TRAF1: variants seen among roughly 807,000 people sequenced by gnomAD.
The protein encoded by TRAF1 is TNF receptor associated factor 1, also known as TNF receptor-associated factor 1.
A neutral mutation model predicts 40.9 loss-of-function variants in TRAF1; 23 were observed. That is an observed-to-expected ratio of 0.56 (90% CI 0.40 to 0.80). The LOEUF (loss-of-function observed/expected upper bound fraction) is 0.80. Among genes scored for constraint, TRAF1 ranks in the 30% least tolerant of loss-of-function variants. The pLI is 0.00. For missense variants in TRAF1, 477 were observed against 528.7 expected (o/e 0.90, Z 0.96); for synonymous variants, 206 against 218.8 (o/e 0.94, Z 0.52).
chr9:120,911,796 T>C (rs1034172194), intron 5 of TRAF1, among the ~76,000 whole-genome samples: 1 of 152,188 alleles, frequency 6.6e-6, no homozygotes, highest in Admixed American at 6.5e-5. Flanking sequence ...AATGATTTCA[T>C]GAGACATATT....
chr9:120,924,742 GTGTCTCTGACCTGC>G (rs2046627546), intron 2 of TRAF1, among the ~76,000 whole-genome samples: 2 of 152,168 alleles, frequency 1.3e-5, no homozygotes, highest in African/African-American at 4.8e-5. Context: ...AAAGCTCCTG[GTGTCTCTGACCTGC>G]TACCGCTACC....
In TRAF1 at chr9:120,914,344, T is replaced by C. The variant is rs570184706; in HGVS notation, c.229-44A>G. On this transcript the variant is annotated intron_variant, in intron 3 of 7. Transcript: ENST00000373887. ...TCACTGAATGTTATAGCGATCCCTG[T>C]GGCTACCCTGGGGCTCTCTTCAATG... 5.7e-6 allele frequency: 8 copies of C among 1,397,862 alleles called. No individual in the cohort carries two copies. In the South Asian group the frequency reaches 1.3e-4, roughly 23 times the overall value. 86.6% of individuals were successfully genotyped at this position (1,397,862 alleles called of 1,614,324 possible).
chr9:120,926,000 C>T lies in TRAF1; in HGVS notation c.76G>A (p.Val26Ile), dbSNP rs753124357. The T allele has an allele frequency of 1.7e-5, 27 of 1,613,096 alleles. No homozygotes were observed. Among genetic ancestry groups the T allele is most frequent in the South Asian group, 4.4e-5 (4 of 91,056 alleles). The change falls in exon 2 of 8, where the codon GTC (valine) becomes ATC (isoleucine). Residue 26 changes from valine (V) to isoleucine (I), a missense_variant. Physicochemically the swap from Val to Ile is conservative, Grantham distance 29. Coordinates refer to ENST00000373887, the MANE Select transcript of TRAF1 (RefSeq NM_005658.5). ...NEFPFGCPPT[V>I]CQDPKEPRAL... is the part of the protein sequence containing the mutation. ...CTGGGCTCCTTTGGGTCCTGGCAGACGGTGGGAGGGCACCCAAAGGGAAAC... is the reference window on the plus strand; with the variant it reads ...CTGGGCTCCTTTGGGTCCTGGCAGATGGTGGGAGGGCACCCAAAGGGAAAC...
chr9:120,916,108 G>A (rs1344244825), intron 3 of TRAF1, among the ~76,000 whole-genome samples: 1 of 152,156 alleles, frequency 6.6e-6, no homozygotes, highest in East Asian at 1.9e-4. Context: ...ATATACTACA[G>A]AACAACCAAA....
In TRAF1 at chr9:120,913,526, G is replaced by A. The variant is rs1293185440; in HGVS notation, c.507C>T (p.Cys169=). 6.2e-7 allele frequency: 1 copy of A among 1,613,910 alleles called. No individual in the cohort carries two copies. The change falls in exon 5 of 8, where the codon TGC becomes TGT. Residue 169 remains cysteine, a synonymous_variant. Coordinates refer to ENST00000373887, the MANE Select transcript of TRAF1 (RefSeq NM_005658.5). The part of the protein sequence containing the change: ...DLEVDCYRAP[C]SESQEELALQ... ...GGGCCAGCTCCTCCTGGCTCTCGGA[G>A]CAGGGTGCCCGGTAGCAATCGACCT... is the stretch of plus-strand genomic sequence containing the variant.
Position 120,904,046 on chromosome 9 carries a change from T to C in TRAF1, c.*974A>G, listed in dbSNP as rs1480189177. 1.3e-5 allele frequency: 2 copies of C among 152,240 alleles called. No individual in the cohort carries two copies. Among genetic ancestry groups the C allele is most frequent in the Non-Finnish European group, 2.9e-5 (2 of 68,064 alleles). 9.4% of individuals were successfully genotyped at this position (152,240 alleles called of 1,614,324 possible). On this transcript the variant is annotated 3_prime_UTR_variant, in exon 8 of 8. Transcript: ENST00000373887. ...GTCCTGATCAGTCTGCTGAAAGAAGTGGATGCCTCAGTTAATCAGGTGTTA... is the reference window on the plus strand; with the variant it reads ...GTCCTGATCAGTCTGCTGAAAGAAGCGGATGCCTCAGTTAATCAGGTGTTA...
chr9:120,913,193 G>T, intron 5 of TRAF1, 135 bp downstream of exon 5: 1 of 1,129,426 alleles, frequency 8.9e-7, no homozygotes, highest in Non-Finnish European at 1.2e-6. Flanking sequence ...GAAGGGTGTG[G>T]GATAAAGGGG....
chr9:120,915,076 C>T (rs2046559993), intron 3 of TRAF1, among the ~76,000 whole-genome samples: 1 of 152,142 alleles, frequency 6.6e-6, no homozygotes, highest in Non-Finnish European at 1.5e-5. Flanking sequence ...AGCCACAGGG[C>T]CCCTCCCACG....
At chr9:120,911,779 C>A (rs1024176326) in intron 5 of TRAF1, among the ~76,000 whole-genome samples, 2 of 152,140 alleles carry the variant, frequency 1.3e-5, no homozygotes, top group Non-Finnish European at 1.5e-5. Context: ...TCTTACAGAG[C>A]CCTTACAATG....
upstream of TRAF1, chr9:120,929,151 G>T (rs2046659643): frequency 6.6e-6 from 1 of 152,480 alleles, no homozygotes; most frequent in Non-Finnish European, 1.5e-5. The surrounding 1 kb of genome is among the most constrained non-coding windows in gnomAD (Gnocchi z 4.5). Context: ...CGGCGGCCAG[G>T]CCCGGAGCTT....
chr9:120,906,689 AT>A (rs1554714736), intron 7 of TRAF1, among the ~76,000 whole-genome samples: 22 of 152,236 alleles, frequency 1.4e-4, no homozygotes, highest in Non-Finnish European at 5.9e-5. Context: ...TTACATTGGC[AT>A]TTACTCTTGG....
rs747468741 is a variant in TRAF1, at chr9:120,909,303, G to C, written c.959C>G (p.Thr320Ser). 1.2e-6 allele frequency: 2 copies of C among 1,614,186 alleles called. No homozygotes were observed. Among genetic ancestry groups the C allele is most frequent in the Admixed American group, 3.3e-5 (2 of 60,020 alleles). ...GATCACGATGAAGAGCGACAGATGGGTTCTCTTTCCAGTGCCATCTCCATT... is the reference window on the plus strand; with the variant it reads ...GATCACGATGAAGAGCGACAGATGGCTTCTCTTTCCAGTGCCATCTCCATT... ...YLNGDGTGKRTHLSLFIVIMR... is the reference protein window; with the variant it reads ...YLNGDGTGKRSHLSLFIVIMR... Residue 320 changes from threonine to serine, a missense_variant, in exon 7 of 8, where the codon ACC (threonine) becomes AGC (serine). Physicochemically the swap from Thr to Ser is moderately conservative, Grantham distance 58 (BLOSUM62 1). Transcript: ENST00000373887.
chr9:120,915,480 T>G (rs919964627), intron 3 of TRAF1, among the ~76,000 whole-genome samples: 1 of 152,178 alleles, frequency 6.6e-6, no homozygotes, highest in Non-Finnish European at 1.5e-5. Flanking sequence ...TCATAAAGGC[T>G]TGTATCCAGA....
intron 7 of TRAF1, among the ~76,000 whole-genome samples, chr9:120,905,705 G>A (rs569082923): frequency 6.6e-6 from 1 of 152,314 alleles, no homozygotes; most frequent in African/African-American, 2.4e-5. Context: ...TCTACTGAGG[G>A]GCTGTCATCG....
Position 120,911,435 on chromosome 9 carries a change from C to T in TRAF1, c.784G>A (p.Glu262Lys). 2 of 1,613,650 alleles carry T rather than the reference C, an allele frequency of 1.2e-6. No individual in the cohort carries two copies. The highest frequency in any genetic ancestry group is 1.7e-6 in the Non-Finnish European group (2 of 1,180,038). The change falls in exon 6 of 8, where the codon GAG becomes AAG. Residue 262 changes from glutamate to lysine, a missense_variant. By Grantham distance (56) the Glu-to-Lys change is moderately conservative. Transcript: ENST00000373887. ...AGGAAAGTGCCATCGAAGGAGGCCT[C>T]CTCCATGAGGCGCAAGCTCTGCTCC... is the stretch of plus-strand genomic sequence containing the variant. Reference protein sequence around the residue: ...KLEQSLRLMEEASFDGTFLWK... With the variant: ...KLEQSLRLMEKASFDGTFLWK...
chr9:120,914,438 T>C lies in TRAF1; in HGVS notation c.229-138A>G, dbSNP rs543471892. 9 of 1,238,602 alleles carry C rather than the reference T, an allele frequency of 7.3e-6. No homozygotes were observed. In the African/African-American group the frequency reaches 1.1e-4, roughly 15 times the overall value. The allele number at this position is 1,238,602 out of a possible 1,614,324, so 76.7% of individuals were successfully genotyped here. On this transcript the variant is annotated intron_variant, in intron 3 of 7. Coordinates refer to ENST00000373887, the MANE Select transcript of TRAF1 (RefSeq NM_005658.5). ...TTTGCACACTGCTGTTCCCTTTGGC[T>C]ATCTCCTTTCCACCCTTTAAGCTTC...
rs115804119 is a variant in TRAF1, at chr9:120,912,142, T to G, written c.706-629A>C. ...GTGAGCATCCTTAAAGAAAATTTAA[T>G]CGTTAATTTTACTGATGGGGAAGGT... On this transcript the variant is annotated intron_variant, in intron 5 of 7. Transcript: ENST00000373887. 8.0e-3 allele frequency among the ~76,000 whole-genome samples: 1,213 copies of G among 152,264 alleles called. 22 individuals carry two copies. The highest frequency in any genetic ancestry group is 0.028 in the African/African-American group (1,149 of 41,548).
chr9:120,920,516 C>T (rs1288568995), intron 3 of TRAF1, among the ~76,000 whole-genome samples: 1 of 151,958 alleles, frequency 6.6e-6, no homozygotes, highest in Non-Finnish European at 1.5e-5. Flanking sequence ...CTTGAATGGG[C>T]CTCAGGGGGA....
intron 3 of TRAF1, 139 bp downstream of exon 3, chr9:120,923,566 C>A: frequency 1.3e-6 from 1 of 759,612 alleles, no homozygotes; most frequent in East Asian, 2.6e-5. Context: ...CTCCTTATTC[C>A]TTATAAAGCA....
Sources: allele counts gnomAD v4.1 joint callset (sites outside exome capture counted in the v4.1 genomes callset), GRCh38; gene constraint gnomAD v4.1.1; non-coding constraint Gnocchi (gnomAD v3.1); transcripts MANE v1.5; gene names NCBI Gene and HGNC (gene_info 2026-07-23, HGNC 2026-07-21).